SIK3: variants seen among roughly 807,000 people sequenced by gnomAD.
SIK3 encodes the protein serine/threonine-protein kinase SIK3.
A neutral mutation model predicts 144.2 loss-of-function variants in SIK3; 28 were observed. The ratio of observed to expected loss-of-function variants is 0.19; its 90% CI spans 0.14 to 0.27. The LOEUF (loss-of-function observed/expected upper bound fraction) is 0.27, where lower values mean the gene tolerates loss of function less well. SIK3 is among the 10% of genes least tolerant of loss of function. The pLI is 1.00. For missense variants in SIK3, 1,319 were observed against 1,776.0 expected, an observed-to-expected ratio of 0.74 and a Z score of 4.62; for synonymous variants, 686 against 676.3, an observed-to-expected ratio of 1.01 and a Z score of -0.22.
chr11:116,944,708 C>T (rs1948491207), intron 3 of SIK3, among the ~76,000 whole-genome samples: 1 of 152,148 alleles, frequency 6.6e-6, no homozygotes, highest in African/African-American at 2.4e-5. Context: ...TTAAACCAAA[C>T]CGGGAGTATA....
At chr11:116,895,060 C>T (rs936529320) in intron 6 of SIK3, among the ~76,000 whole-genome samples, 9 of 152,176 alleles carry the variant, frequency 5.9e-5, no homozygotes, top group Non-Finnish European at 1.2e-4. Context: ...CCCTCCAATC[C>T]TGTATACTTC....
At chr11:117,085,613 G>A (rs989751911) in intron 1 of SIK3, among the ~76,000 whole-genome samples, 8 of 152,206 alleles carry the variant, frequency 5.3e-5, no homozygotes, top group Non-Finnish European at 2.9e-5. Context: ...CTAGGCGACA[G>A]GCACATAGGG....
intron 1 of SIK3, among the ~76,000 whole-genome samples, chr11:117,045,275 C>A (rs1952909775): frequency 6.6e-6 from 1 of 152,210 alleles, no homozygotes; most frequent in South Asian, 2.1e-4. Context: ...GGCTTCTCCC[C>A]TCTCTGGCCT....
rs946081596 is a variant in SIK3 at position 116,846,123 on chromosome 11, C to A, written c.*13+260G>T. ...TGAAGGCTAGAGCACCTGTAACACA[C>A]GGCGAGTCTTGTGTCTTATTCCCAT... On this transcript the variant is annotated intron_variant, in intron 24 of 24. Coordinates refer to ENST00000445177, the MANE Select transcript of SIK3 (RefSeq NM_001366686.3). This position sits in a 1 kb window ranked among gnomAD's most constrained non-coding sequence, Gnocchi z 4.1. 6.6e-6 allele frequency among the ~76,000 whole-genome samples: 1 copy of A among 152,228 alleles called. No homozygotes were observed. The highest frequency in any genetic ancestry group is 1.5e-5 in the Non-Finnish European group (1 of 68,044).
chr11:117,037,085 C>G (rs1952537656), intron 1 of SIK3, among the ~76,000 whole-genome samples: 1 of 151,860 alleles, frequency 6.6e-6, no homozygotes, highest in Admixed American at 6.6e-5. Context: ...GGCTTTTTTC[C>G]CCATAAGAAA....
intron 3 of SIK3, among the ~76,000 whole-genome samples, chr11:116,946,497 C>A (rs1248472107): frequency 4.6e-5 from 7 of 152,160 alleles, no homozygotes; most frequent in Non-Finnish European, 8.8e-5. Flanking sequence ...AGGAGAGGAA[C>A]CCTGAGCTTG....
intron 3 of SIK3, among the ~76,000 whole-genome samples, chr11:116,944,384 G>T (rs1191164339): frequency 8.5e-5 from 13 of 152,064 alleles, no homozygotes; most frequent in Admixed American, 8.5e-4. Flanking sequence ...ATACATTGTT[G>T]GCTGCACAAC....
At chr11:117,086,546 C>A (rs1054903353) in intron 1 of SIK3, among the ~76,000 whole-genome samples, 1 of 151,538 alleles carries the variant, frequency 6.6e-6, no homozygotes, top group South Asian at 2.1e-4. Context: ...AAAAAATTAG[C>A]CGGGTGTGGT....
intron 21 of SIK3, chr11:116,857,283 A>G (rs1942999959): frequency 6.3e-6 from 1 of 158,978 alleles, no homozygotes; most frequent in Admixed American, 5.9e-5. Context: ...AAACAAACAC[A>G]TATATACATG....
intron 4 of SIK3, among the ~76,000 whole-genome samples, chr11:116,923,709 G>A (rs928050529): frequency 5.3e-5 from 8 of 152,146 alleles, no homozygotes; most frequent in Non-Finnish European, 1.2e-4. Flanking sequence ...AAAAATGTAC[G>A]CTTTGGGTTA....
intron 1 of SIK3, among the ~76,000 whole-genome samples, chr11:117,081,042 A>C (rs1954762201): frequency 6.6e-6 from 1 of 152,186 alleles, no homozygotes; most frequent in Non-Finnish European, 1.5e-5. Flanking sequence ...CTCTGCAGCC[A>C]TTAAAATGAT....
At chr11:116,925,009 G>A (rs756999290) in intron 4 of SIK3, among the ~76,000 whole-genome samples, 2 of 152,154 alleles carry the variant, frequency 1.3e-5, no homozygotes, top group Non-Finnish European at 2.9e-5. Flanking sequence ...ATGGGGAGAT[G>A]AGGACAGACA....
intron 2 of SIK3, among the ~76,000 whole-genome samples, chr11:116,954,463 T>C (rs1383099536): frequency 6.8e-6 from 1 of 147,210 alleles, no homozygotes; most frequent in Non-Finnish European, 1.5e-5. Context: ...AGCACAAAAA[T>C]GCCCTATCAA....
chr11:117,019,842 G>A (rs1379873766), intron 1 of SIK3, among the ~76,000 whole-genome samples: 2 of 151,818 alleles, frequency 1.3e-5, no homozygotes, highest in Non-Finnish European at 2.9e-5. Context: ...AGGTTTCAGT[G>A]AGTTTAGATA....
At chr11:116,884,698 A>T (rs1944725939) in intron 6 of SIK3, among the ~76,000 whole-genome samples, 2 of 151,272 alleles carry the variant, frequency 1.3e-5, no homozygotes, top group Non-Finnish European at 2.9e-5. Context: ...GGCCACCTTG[A>T]TCTCCCGGCC....
intron 3 of SIK3, among the ~76,000 whole-genome samples, chr11:116,942,079 T>A (rs536081968): frequency 6.6e-6 from 1 of 152,324 alleles, no homozygotes; most frequent in South Asian, 2.1e-4. Flanking sequence ...GAATTCATAA[T>A]CTTCAATATG....
Position 116,858,059 on chromosome 11 carries a change from C to G in SIK3, c.3406G>C (p.Ala1136Pro), listed in dbSNP as rs766712386. The change falls in exon 21 of 25, where the codon GCA (alanine) becomes CCA (proline). Residue 1136 changes from alanine to proline, a missense_variant. Physicochemically the swap from Ala to Pro is conservative, Grantham distance 27. Around this residue, in one of 8 missense-constraint regions of SIK3, gnomAD observed 646 missense variants for 763.7 expected, o/e 0.85. Transcript: ENST00000445177. The surrounding 1 kb of genome is among the most constrained non-coding windows in gnomAD (Gnocchi z 5.4). Reference sequence around the variant, plus strand: ...TCCATGCTCTCTGAATGCATCAGTGCCGGCTGGTGAGCATACCCGTGGGGC... The same window carrying G: ...TCCATGCTCTCTGAATGCATCAGTGGCGGCTGGTGAGCATACCCGTGGGGC... ...TPPHGYAHQP[A>P]LMHSESMEED... 6.2e-7 allele frequency: 1 copy of G among 1,613,566 alleles called. No homozygotes were observed. Among genetic ancestry groups the G allele is most frequent in the South Asian group, 1.1e-5 (1 of 90,954 alleles).
chr11:116,971,334 G>A (rs926556269), intron 1 of SIK3, among the ~76,000 whole-genome samples: 5 of 152,124 alleles, frequency 3.3e-5, no homozygotes, highest in Admixed American at 6.5e-5. Context: ...CCAAGAATCC[G>A]AGTCTAAGAA....
At position 116,875,353 on chromosome 11, in the gene SIK3, C is replaced by G. The variant is rs1210003097; in HGVS notation, c.1317+21G>C. The G allele has an allele frequency of 1.9e-6, 3 of 1,613,788 alleles. No homozygotes were observed. In the African/African-American group the frequency reaches 4.0e-5, roughly 22 times the overall value. On this transcript the variant is annotated intron_variant, in intron 10 of 24. Coordinates refer to ENST00000445177, the MANE Select transcript of SIK3 (RefSeq NM_001366686.3). ...CAAAGAAAGTGGTTTCAGCTGACAG[C>G]TCCCACAGGTTGCTACTTGCCTCCA...
Sources: gnomAD v4.1 joint callset for allele counts (sites outside exome capture counted in the v4.1 genomes callset) on GRCh38, gnomAD v4.1.1 for gene constraint, gnomAD v4.1.1 regional missense constraint, Gnocchi (gnomAD v3.1) non-coding constraint, MANE v1.5 for transcripts, NCBI Gene and HGNC (gene_info 2026-07-23, HGNC 2026-07-21) for gene names.